Variants in RAP1GDS1 observed in about 807,000 individuals in gnomAD.
RAP1GDS1 encodes Rap1 GTPase-GDP dissociation stimulator 1.
A neutral mutation model predicts 71.1 loss-of-function variants in RAP1GDS1; 35 were observed. The observed-to-expected ratio is 0.49, with a 90% CI of 0.38 to 0.65. The LOEUF is 0.65. Ranked by LOEUF, RAP1GDS1 falls within the 30% of genes least tolerant of loss-of-function variation. RAP1GDS1 has a pLI of 0.00. For missense variants in RAP1GDS1, 663 were observed against 706.1 expected (o/e 0.94, Z 0.69); for synonymous variants, 229 against 243.1 (o/e 0.94, Z 0.54).
At chr4:98,376,004 C>T (rs1741131819) in intron 4 of RAP1GDS1, among the ~76,000 whole-genome samples, 1 of 151,630 alleles carries the variant, frequency 6.6e-6, no homozygotes, top group Non-Finnish European at 1.5e-5. Flanking sequence ...AATTTTATTG[C>T]TGCTTGCTTT....
At chr4:98,347,784 C>G (rs921735049) in intron 3 of RAP1GDS1, among the ~76,000 whole-genome samples, 5 of 152,096 alleles carry the variant, frequency 3.3e-5, no homozygotes, top group African/African-American at 1.2e-4. Flanking sequence ...CGCCATTGTT[C>G]TTTTTAGGAA....
chr4:98,383,025 A>G (rs1406954806), intron 5 of RAP1GDS1, among the ~76,000 whole-genome samples: 4 of 151,700 alleles, frequency 2.6e-5, no homozygotes, highest in Non-Finnish European at 5.9e-5. Context: ...GCACGTTTGA[A>G]TAGAAACAAA....
chr4:98,332,005 A>C (rs1734088558), intron 2 of RAP1GDS1, among the ~76,000 whole-genome samples: 2 of 152,250 alleles, frequency 1.3e-5, no homozygotes, highest in African/African-American at 4.8e-5. Context: ...CAACCAATCA[A>C]AAATCTAATA....
chr4:98,276,264 A>G (rs1213617013), intron 1 of RAP1GDS1, among the ~76,000 whole-genome samples: 1 of 152,182 alleles, frequency 6.6e-6, no homozygotes, highest in African/African-American at 2.4e-5. Flanking sequence ...CAAAGGCCCT[A>G]CCACCTAATA....
chr4:98,298,067 T>C (rs1385380076), intron 2 of RAP1GDS1, among the ~76,000 whole-genome samples: 1 of 152,182 alleles, frequency 6.6e-6, no homozygotes. Flanking sequence ...AACATTCCCA[T>C]GTCCTAATCC....
At chr4:98,262,325 T>TA (rs1443210650) in intron 1 of RAP1GDS1, among the ~76,000 whole-genome samples, 2 of 152,226 alleles carry the variant, frequency 1.3e-5, no homozygotes, top group Non-Finnish European at 2.9e-5. Flanking sequence ...ACATGGTAGT[T>TA]ATTCTTTCCC....
rs558677953 is a variant in RAP1GDS1, at chr4:98,363,408, C to T, written c.361+10807C>T. Among the ~76,000 whole-genome samples the T allele has an allele frequency of 2.2e-4, 31 of 142,794 alleles. No homozygotes were observed. In the South Asian group the frequency reaches 2.9e-3, roughly 14 times the overall value. The allele number at this position is 142,794 out of a possible 152,430, so 93.7% of individuals were successfully genotyped here. A position where few individuals can be genotyped will look rare whatever the true frequency, so the allele number is the denominator to read the frequency against. ...CTGAGGTGGGAGGATCACTTGAGCCCAGGAGTTCTAGGCTGCAGTGAGCCA... is the reference window on the plus strand; with the variant it reads ...CTGAGGTGGGAGGATCACTTGAGCCTAGGAGTTCTAGGCTGCAGTGAGCCA... On this transcript the variant is annotated intron_variant, in intron 4 of 14. Coordinates refer to ENST00000408927, the MANE Select transcript of RAP1GDS1 (RefSeq NM_001100427.2).
chr4:98,331,616 A>G (rs555012545), intron 2 of RAP1GDS1, among the ~76,000 whole-genome samples: 1 of 152,316 alleles, frequency 6.6e-6, no homozygotes, highest in South Asian at 2.1e-4. Context: ...ACATACACAT[A>G]CATGTAACTG....
At chr4:98,325,081 GACAA>G (rs1313070727) in intron 2 of RAP1GDS1, among the ~76,000 whole-genome samples, 4 of 148,524 alleles carry the variant, frequency 2.7e-5, no homozygotes, top group Admixed American at 1.3e-4. Context: ...ACAAGAAAAA[GACAA>G]ACAACCCCAT....
At chr4:98,335,003 A>G (rs1286461090) in intron 2 of RAP1GDS1, among the ~76,000 whole-genome samples, 2 of 151,578 alleles carry the variant, frequency 1.3e-5, no homozygotes, top group African/African-American at 2.4e-5. Flanking sequence ...TTTTAAAAAG[A>G]GAGTTTGAAT....
chr4:98,350,059 C>G (rs1352285572), intron 3 of RAP1GDS1, among the ~76,000 whole-genome samples: 1 of 151,984 alleles, frequency 6.6e-6, no homozygotes, highest in Non-Finnish European at 1.5e-5. Flanking sequence ...AAAATGGTTC[C>G]AAAGAGTTTT....
intron 2 of RAP1GDS1, among the ~76,000 whole-genome samples, chr4:98,307,903 A>G (rs1243065674): frequency 6.6e-6 from 1 of 152,098 alleles, no homozygotes; most frequent in Non-Finnish European, 1.5e-5. Context: ...TTAGCACCAT[A>G]TTTTAGTTTC....
At chr4:98,294,853 C>G (rs1186547859) in intron 2 of RAP1GDS1, among the ~76,000 whole-genome samples, 1 of 152,084 alleles carries the variant, frequency 6.6e-6, no homozygotes, top group Admixed American at 6.6e-5. Flanking sequence ...GGCAGCTTTA[C>G]ACAGTAACAT....
intron 12 of RAP1GDS1, among the ~76,000 whole-genome samples, chr4:98,431,880 A>C (rs1211485237): frequency 1.3e-5 from 2 of 152,240 alleles, no homozygotes. Flanking sequence ...AAATGATTTC[A>C]TAGAATAGCT....
intron 1 of RAP1GDS1, among the ~76,000 whole-genome samples, chr4:98,262,463 C>G (rs1362589172): frequency 6.6e-6 from 1 of 152,144 alleles, no homozygotes; most frequent in African/African-American, 2.4e-5. Flanking sequence ...ATACATTTGA[C>G]CTAATTTTTT....
At chr4:98,279,523 AT>A (rs33947440) in intron 1 of RAP1GDS1, among the ~76,000 whole-genome samples, 6,301 of 151,440 alleles carry the variant, frequency 0.042, 309 homozygotes, top group African/African-American at 0.12. Context: ...ACCCAGAATA[AT>A]TTTTTTTGAG....
Position 98,417,410 on chromosome 4 carries a change from A to G in RAP1GDS1, c.951A>G (p.Val317=). ...QKLFEGGKGS[V]FQRVLSWIPS... ...TATTTGAAGGAGGAAAAGGTAGTGT[A>G]TTTCAAAGGGTACTCTCTTGGATCC... Residue 317 remains valine, a synonymous_variant, in exon 9 of 15, where the codon GTA becomes GTG. Transcript: ENST00000408927. 1.2e-6 allele frequency: 2 copies of G among 1,613,072 alleles called. No individual in the cohort carries two copies. The highest frequency in any genetic ancestry group is 1.7e-6 in the Non-Finnish European group (2 of 1,179,126).
intron 1 of RAP1GDS1, among the ~76,000 whole-genome samples, chr4:98,279,251 T>C (rs1427798896): frequency 6.6e-6 from 1 of 151,448 alleles, no homozygotes; most frequent in Non-Finnish European, 1.5e-5. Context: ...CAAACAAAAA[T>C]AATAATAATA....
chr4:98,298,210 T>G (rs1001988780), intron 2 of RAP1GDS1, among the ~76,000 whole-genome samples: 1 of 152,032 alleles, frequency 6.6e-6, no homozygotes. Flanking sequence ...ACACTGAAAG[T>G]GAAAGATGAA....
Sources: gnomAD v4.1 joint callset for allele counts (sites outside exome capture counted in the v4.1 genomes callset) on GRCh38, gnomAD v4.1.1 for gene constraint, MANE v1.5 for transcripts, NCBI Gene and HGNC (gene_info 2026-07-23, HGNC 2026-07-21) for gene names.